FRMD5: variants seen among roughly 807,000 people sequenced by gnomAD.
FRMD5 encodes FERM domain containing 5.
Under a neutral mutation model 69.0 loss-of-function variants are expected in FRMD5, and 20 were observed. The ratio of observed to expected loss-of-function variants is 0.29; its 90% CI spans 0.20 to 0.42. The LOEUF (loss-of-function observed/expected upper bound fraction) is 0.42. Ranked by LOEUF, FRMD5 falls within the 10% of genes least tolerant of loss-of-function variation. The pLI is 1.00. For synonymous variants in FRMD5, 271 were observed against 260.1 expected (o/e 1.04, Z -0.40); for missense variants, 595 against 708.6 (o/e 0.84, Z 1.82).
intron 1 of FRMD5, among the ~76,000 whole-genome samples, chr15:44,041,536 C>T (rs1455153504): frequency 2.6e-5 from 4 of 152,148 alleles, no homozygotes; most frequent in Non-Finnish European, 5.9e-5. Context: ...GGAAGTAAAA[C>T]ACTCCTCAGC....
At chr15:43,885,823 C>T in intron 10 of FRMD5, 68 bp from the exon 11 acceptor site, 1 of 1,201,584 alleles carries the variant, frequency 8.3e-7, no homozygotes. Context: ...GGCAGCACAT[C>T]CCCAGCTTCT....
chr15:43,906,763 G>A (rs1268208685), intron 5 of FRMD5, among the ~76,000 whole-genome samples: 2 of 136,622 alleles, frequency 1.5e-5, no homozygotes, highest in South Asian at 2.1e-4. Context: ...CACCTCGCCC[G>A]GCTGATTTTT....
intron 1 of FRMD5, among the ~76,000 whole-genome samples, chr15:44,003,271 G>A (rs1032804394): frequency 1.3e-5 from 2 of 152,096 alleles, no homozygotes; most frequent in African/African-American, 4.8e-5. Context: ...CACCACCATC[G>A]TCTTGGGCCT....
rs763513751 is a variant in FRMD5 at position 43,919,488 on chromosome 15, G to A, written c.300C>T (p.Asp100=). 7 of 1,614,054 alleles carry A rather than the reference G, an allele frequency of 4.3e-6. No individual in the cohort carries two copies. Among genetic ancestry groups the A allele is most frequent in the Non-Finnish European group, 5.9e-6 (7 of 1,180,012 alleles). Reference sequence around the variant, plus strand: ...TTATTTCTTCTTTCAGAGCAGCAGGGTCTGCAGGATAAAACTTCACACGGA... The same window carrying A: ...TTATTTCTTCTTTCAGAGCAGCAGGATCTGCAGGATAAAACTTCACACGGA... ...MCFRVKFYPA[D]PAALKEEITR... is the part of the protein sequence containing the mutation. The change falls in exon 4 of 14, where the codon GAC becomes GAT. Residue 100 remains aspartate, a synonymous_variant. Coordinates refer to ENST00000417257, the MANE Select transcript of FRMD5 (RefSeq NM_032892.5).
intron 1 of FRMD5, among the ~76,000 whole-genome samples, chr15:43,966,580 GAGA>G (rs1474289526): frequency 6.6e-6 from 1 of 152,170 alleles, no homozygotes; most frequent in Non-Finnish European, 1.5e-5. Flanking sequence ...CTCCATAGAA[GAGA>G]AGGAGGGATG....
intron 1 of FRMD5, among the ~76,000 whole-genome samples, chr15:44,097,941 G>A (rs976497448): frequency 2.0e-5 from 3 of 151,990 alleles, no homozygotes; most frequent in African/African-American, 7.2e-5. Flanking sequence ...AATGGCCTTT[G>A]AATGACATGT....
At chr15:44,099,378 T>C (rs1462024959) in intron 1 of FRMD5, among the ~76,000 whole-genome samples, 2 of 152,136 alleles carry the variant, frequency 1.3e-5, no homozygotes, top group African/African-American at 2.4e-5. Context: ...TGCTGATCCA[T>C]GGACCACATT....
At chr15:44,180,939 A>G (rs983576391) in intron 1 of FRMD5, among the ~76,000 whole-genome samples, 3 of 152,264 alleles carry the variant, frequency 2.0e-5, no homozygotes, top group African/African-American at 7.2e-5. Flanking sequence ...AATTTTAAAA[A>G]GTAACTGGAT....
chr15:44,163,118 G>T (rs938800993), intron 1 of FRMD5, among the ~76,000 whole-genome samples: 2 of 152,166 alleles, frequency 1.3e-5, no homozygotes, highest in Non-Finnish European at 1.5e-5. Flanking sequence ...AGCTTGCAGT[G>T]AGCCGAGATT....
chr15:43,997,467 T>C (rs143956269), intron 1 of FRMD5, among the ~76,000 whole-genome samples: 1 of 152,354 alleles, frequency 6.6e-6, no homozygotes, highest in Non-Finnish European at 1.5e-5. Flanking sequence ...CATTCTCTTG[T>C]GGTTCATCTC....
chr15:44,064,658 G>C (rs182060257), intron 1 of FRMD5, among the ~76,000 whole-genome samples: 1 of 152,192 alleles, frequency 6.6e-6, no homozygotes, highest in Non-Finnish European at 1.5e-5. Context: ...AAAAATAAAA[G>C]TGAAAAAATC....
intron 1 of FRMD5, among the ~76,000 whole-genome samples, chr15:44,192,271 A>G (rs966631052): frequency 4.6e-5 from 7 of 152,172 alleles, no homozygotes; most frequent in Non-Finnish European, 1.0e-4. Context: ...CTTTGACAGA[A>G]TTTCTTATAA....
chr15:44,094,675 T>C (rs1238596283), intron 1 of FRMD5, among the ~76,000 whole-genome samples: 8 of 152,210 alleles, frequency 5.3e-5, no homozygotes, highest in Non-Finnish European at 1.2e-4. Flanking sequence ...TTTTGTGTCA[T>C]AATGTAAACC....
At chr15:44,002,541 C>T (rs2140178737) in intron 1 of FRMD5, among the ~76,000 whole-genome samples, 1 of 152,102 alleles carries the variant, frequency 6.6e-6, no homozygotes, top group South Asian at 2.1e-4. Context: ...AATTCTTGTC[C>T]CTTTTAAGGG....
intron 4 of FRMD5, among the ~76,000 whole-genome samples, chr15:43,914,872 C>T (rs1018662194): frequency 1.1e-4 from 16 of 151,874 alleles, no homozygotes; most frequent in African/African-American, 2.9e-4. Context: ...ATTACAGGCA[C>T]GTGCCACCAC....
intron 1 of FRMD5, among the ~76,000 whole-genome samples, chr15:43,958,817 T>C (rs1370281285): frequency 1.3e-5 from 2 of 152,204 alleles, no homozygotes; most frequent in Non-Finnish European, 2.9e-5. Flanking sequence ...AGTACTCCTA[T>C]TGCTTGAGCT....
At chr15:44,122,604 G>A (rs137895943) in intron 1 of FRMD5, among the ~76,000 whole-genome samples, 1 of 150,388 alleles carries the variant, frequency 6.6e-6, no homozygotes, top group East Asian at 2.0e-4. Flanking sequence ...AAAAGATAAT[G>A]GCTGGGCATG....
chr15:44,129,710 G>A (rs761513563), intron 1 of FRMD5, among the ~76,000 whole-genome samples: 6 of 152,062 alleles, frequency 3.9e-5, no homozygotes, highest in Non-Finnish European at 7.4e-5. Context: ...GCTTCTAACA[G>A]CCGTCCACAT....
intron 1 of FRMD5, among the ~76,000 whole-genome samples, chr15:43,959,440 C>T (rs897475482): frequency 2.0e-5 from 3 of 152,140 alleles, no homozygotes; most frequent in South Asian, 2.1e-4. Context: ...TGACATTATG[C>T]GCCTGAAAAT....
Sources: gnomAD v4.1 joint callset for allele counts (sites outside exome capture counted in the v4.1 genomes callset) on GRCh38, gnomAD v4.1.1 for gene constraint, MANE v1.5 for transcripts, NCBI Gene and HGNC (gene_info 2026-07-23, HGNC 2026-07-21) for gene names.